The following DLG2 variants were observed in gnomAD, a reference collection of about 807,000 sequenced individuals.
The protein encoded by DLG2 is disks large homolog 2.
A neutral mutation model predicts 132.5 loss-of-function variants in DLG2; 45 were observed. That is an observed-to-expected ratio of 0.34 (90% CI 0.27 to 0.44). The LOEUF is 0.44. Ranked by LOEUF, DLG2 falls within the 20% of genes least tolerant of loss-of-function variation. DLG2 has a pLI of 1.00. For missense variants in DLG2, 1,045 were observed against 1,196.9 expected (o/e 0.87, Z 1.87); for synonymous variants, 424 against 419.6 (o/e 1.01, Z -0.13).
chr11:84,628,111 T>C (rs867788477), intron 6 of DLG2, among the ~76,000 whole-genome samples: 121 of 129,920 alleles, frequency 9.3e-4, no homozygotes, highest in Admixed American at 5.4e-3. Context: ...TACACACATA[T>C]ATATATATAT....
chr11:84,360,827 G>T (rs2098645590), intron 7 of DLG2, among the ~76,000 whole-genome samples: 1 of 151,724 alleles, frequency 6.6e-6, no homozygotes, highest in Non-Finnish European at 1.5e-5. Context: ...AATAAAATAG[G>T]TAAGAATGTT....
intron 15 of DLG2, among the ~76,000 whole-genome samples, chr11:83,883,981 A>AACAGCTCCAGTCT (rs1353297290): frequency 7.2e-6 from 1 of 139,632 alleles, no homozygotes; most frequent in Non-Finnish European, 1.7e-5. Flanking sequence ...GCCGAATAGG[A>AACAGCTCCAGTCT]ACAGCTCCGG....
chr11:85,398,031 A>T (rs1177287037), intron 3 of DLG2, among the ~76,000 whole-genome samples: 1 of 152,204 alleles, frequency 6.6e-6, no homozygotes, highest in Non-Finnish European at 1.5e-5. Flanking sequence ...ATTGGTAGTA[A>T]AACACTCCTC....
At chr11:84,574,460 A>G (rs939927292) in intron 6 of DLG2, among the ~76,000 whole-genome samples, 1 of 151,966 alleles carries the variant, frequency 6.6e-6, no homozygotes, top group Non-Finnish European at 1.5e-5. Flanking sequence ...GGCTTTAGCT[A>G]TACATGTTCT....
chr11:85,044,758 G>A (rs1003755798), intron 6 of DLG2, among the ~76,000 whole-genome samples: 1 of 151,862 alleles, frequency 6.6e-6, no homozygotes, highest in Non-Finnish European at 1.5e-5. Flanking sequence ...ATTTTCCAGG[G>A]AGCCAACAAA....
At position 85,219,652 on chromosome 11, in the gene DLG2, G is replaced by A. The variant is rs550400364; in HGVS notation, c.187-65001C>T. On this transcript the variant is annotated intron_variant, in intron 4 of 27. Transcript: ENST00000376104. ...ACTGTTATCAGGTGGCATTCTCCCT[G>A]TGTATCTATATCTAAATTCCCATCT... is the stretch of plus-strand genomic sequence containing the variant. Among the ~76,000 whole-genome samples, 6 of 150,400 alleles carry A rather than the reference G, an allele frequency of 4.0e-5. No individual in the cohort carries two copies. The East Asian group carries it at 1.2e-3, about 29-fold the overall frequency.
chr11:84,748,160 T>A (rs946068009), intron 6 of DLG2, among the ~76,000 whole-genome samples: 1 of 152,162 alleles, frequency 6.6e-6, no homozygotes. Flanking sequence ...CAGGAAATCA[T>A]GTGTGAGAAA....
chr11:84,696,985 C>T (rs1382967883), intron 6 of DLG2, among the ~76,000 whole-genome samples: 3 of 151,248 alleles, frequency 2.0e-5, no homozygotes, highest in Non-Finnish European at 3.0e-5. Flanking sequence ...GAGATTGACT[C>T]AGGAGAACTA....
chr11:83,728,026 T>A (rs2090338301), intron 18 of DLG2, among the ~76,000 whole-genome samples: 1 of 152,196 alleles, frequency 6.6e-6, no homozygotes, highest in Non-Finnish European at 1.5e-5. Context: ...ACTAGAATCT[T>A]CAGCCTCAAA....
At chr11:84,709,009 T>G (rs1051236051) in intron 6 of DLG2, among the ~76,000 whole-genome samples, 1 of 151,868 alleles carries the variant, frequency 6.6e-6, no homozygotes, top group Non-Finnish European at 1.5e-5. Flanking sequence ...ATACATCTGG[T>G]AACAAAAGCT....
Position 85,498,960 on chromosome 11 carries a change from T to C in DLG2, c.40+99697A>G, listed in dbSNP as rs376159284. Among the ~76,000 whole-genome samples, 4 of 152,194 alleles carry C rather than the reference T, an allele frequency of 2.6e-5. No individual in the cohort carries two copies. The South Asian group carries it at 6.2e-4, about 24-fold the overall frequency. On this transcript the variant is annotated intron_variant, in intron 3 of 27. Transcript: ENST00000376104. ...AAAGCAGTGTGTAGAGGGAAATTTA[T>C]AGCACTAAATGCCCACAAGAGAAAG...
intron 6 of DLG2, among the ~76,000 whole-genome samples, chr11:84,674,711 A>C (rs886117047): frequency 1.3e-5 from 2 of 152,150 alleles, no homozygotes; most frequent in African/African-American, 4.8e-5. Flanking sequence ...GTTTTTGACT[A>C]TAGGTACAAT....
intron 3 of DLG2, among the ~76,000 whole-genome samples, chr11:85,435,510 C>T (rs1484736813): frequency 6.6e-6 from 1 of 151,950 alleles, no homozygotes. Flanking sequence ...CATTCTTACA[C>T]AACAACAAGA....
chr11:84,348,851 C>T (rs183797976), intron 7 of DLG2, among the ~76,000 whole-genome samples: 1 of 152,180 alleles, frequency 6.6e-6, no homozygotes, highest in Admixed American at 6.5e-5. Flanking sequence ...TGTCTACAAG[C>T]CAAGGAATGC....
chr11:85,476,825 G>C lies in DLG2; in HGVS notation c.40+121832C>G, dbSNP rs550470466. 6.6e-5 allele frequency among the ~76,000 whole-genome samples: 10 copies of C among 152,118 alleles called. No homozygotes were observed. The East Asian group carries it at 1.9e-3, about 29-fold the overall frequency. On this transcript the variant is annotated intron_variant, in intron 3 of 27. Coordinates refer to ENST00000376104, the MANE Select transcript of DLG2 (RefSeq NM_001142699.3). ...TTCTAGAATACCTCCTGAAGGACCTGTCTGAGGCTGTTGTTCAGTTAACTT... is the reference window on the plus strand; with the variant it reads ...TTCTAGAATACCTCCTGAAGGACCTCTCTGAGGCTGTTGTTCAGTTAACTT...
intron 7 of DLG2, among the ~76,000 whole-genome samples, chr11:84,523,846 CACTT>C (rs1208573156): frequency 6.6e-6 from 1 of 152,150 alleles, no homozygotes; most frequent in Non-Finnish European, 1.5e-5. Flanking sequence ...TTTCTATAAA[CACTT>C]ATTTTTAAAA....
intron 7 of DLG2, among the ~76,000 whole-genome samples, chr11:84,459,916 G>A (rs2099075801): frequency 6.6e-6 from 1 of 150,432 alleles, no homozygotes. Flanking sequence ...AAGCATAATA[G>A]GTATGACAAC....
chr11:84,564,553 C>T (rs532935225), intron 6 of DLG2, among the ~76,000 whole-genome samples: 6 of 152,248 alleles, frequency 3.9e-5, no homozygotes, highest in South Asian at 2.1e-4. Flanking sequence ...TTAAATACTG[C>T]CCAAAATAGC....
At chr11:84,469,596 A>G (rs774201951) in intron 7 of DLG2, among the ~76,000 whole-genome samples, 1 of 151,612 alleles carries the variant, frequency 6.6e-6, no homozygotes, top group African/African-American at 2.4e-5. Context: ...ACTATCATTA[A>G]ATATTTATCC....
Sources: allele counts gnomAD v4.1 joint callset (sites outside exome capture counted in the v4.1 genomes callset), GRCh38; gene constraint gnomAD v4.1.1; transcripts MANE v1.5; gene names NCBI Gene and HGNC (gene_info 2026-07-23, HGNC 2026-07-21).